Variants in CACNA2D2 observed in about 807,000 individuals in gnomAD.
CACNA2D2 encodes voltage-dependent calcium channel subunit alpha-2/delta-2.
A neutral mutation model predicts 166.4 loss-of-function variants in CACNA2D2; 48 were observed. That is an observed-to-expected ratio of 0.29 (90% CI 0.23 to 0.37). The LOEUF is 0.37. CACNA2D2 is among the 10% of genes least tolerant of loss of function. The pLI is 1.00. For missense variants in CACNA2D2, 1,122 were observed against 1,433.0 expected (o/e 0.78, Z 3.50); for synonymous variants, 561 against 573.7 (o/e 0.98, Z 0.32).
At position 50,379,466 on chromosome 3, in the gene CACNA2D2, G is replaced by C; in HGVS notation, c.1118C>G (p.Ala373Gly). 3.1e-6 allele frequency: 5 copies of C among 1,613,936 alleles called. No individual in the cohort carries two copies. The highest frequency in any genetic ancestry group is 4.2e-6 in the Non-Finnish European group (5 of 1,180,022). Residue 373 changes from alanine (A) to glycine (G), a missense_variant, in exon 11 of 38, where the codon GCC becomes GGC. Ala to Gly is a moderately conservative substitution (Grantham distance 60). This residue lies in a region of CACNA2D2 where 840 missense variants were observed against 1,166.8 expected (regional missense o/e 0.72). Transcript: ENST00000424201. The surrounding 1 kb of genome is among the most constrained non-coding windows in gnomAD (Gnocchi z 6.5). ...MVAKGTTGYK[A>G]GFEYAFDQLQ... The stretch of plus-strand genomic sequence containing the variant: ...CTGGTCAAAGGCATACTCAAAGCCG[G>C]CCTTGTAGCCTGTGGTGCCCTTGGC...
At chr3:50,449,126 G>A (rs941165707) in intron 2 of CACNA2D2, among the ~76,000 whole-genome samples, 6 of 152,246 alleles carry the variant, frequency 3.9e-5, no homozygotes, top group Non-Finnish European at 7.3e-5. Flanking sequence ...CAGTGGCTTA[G>A]AGAGGCTTCA....
At chr3:50,424,252 T>C (rs1475703131) in intron 3 of CACNA2D2, among the ~76,000 whole-genome samples, 1 of 152,192 alleles carries the variant, frequency 6.6e-6, no homozygotes, top group Non-Finnish European at 1.5e-5. Context: ...AGAGGGACCC[T>C]TGGCCACAGG....
At position 50,380,154 on chromosome 3, in the gene CACNA2D2, T is replaced by C. The variant is rs1233028337; in HGVS notation, c.843-136A>G. On this transcript the variant is annotated intron_variant, in intron 8 of 37. Transcript: ENST00000424201. This position sits in a 1 kb window ranked among gnomAD's most constrained non-coding sequence, Gnocchi z 4.9. ...GGCCAGGCAGGGTTCTATGCACCGA[T>C]GATACCACATTTAACGAAACAGACA... The C allele has an allele frequency of 1.2e-6, 1 of 807,472 alleles. No homozygotes were observed. The highest frequency in any genetic ancestry group is 2.1e-6 in the Non-Finnish European group (1 of 482,398). The allele number at this position is 807,472 out of a possible 1,614,324, so 50.0% of individuals were successfully genotyped here.
chr3:50,397,008 G>A, intron 3 of CACNA2D2, among the ~76,000 whole-genome samples: 1 of 152,186 alleles, frequency 6.6e-6, no homozygotes, highest in East Asian at 1.9e-4. Context: ...CTCCTGGCTG[G>A]GGGGTTCCAG....
intron 1 of CACNA2D2, among the ~76,000 whole-genome samples, chr3:50,483,120 C>T (rs947681111): frequency 1.3e-5 from 2 of 152,226 alleles, no homozygotes; most frequent in African/African-American, 4.8e-5. Flanking sequence ...AGCTAGCCAC[C>T]TACCACTTCA....
chr3:50,366,025 G>T lies in CACNA2D2; in HGVS notation c.2848C>A (p.Arg950=), dbSNP rs1209696501. 1.9e-6 allele frequency: 3 copies of T among 1,612,868 alleles called. No individual in the cohort carries two copies. The highest frequency in any genetic ancestry group is 2.5e-6 in the Non-Finnish European group (3 of 1,179,680). ...QPPGNLGAAP[R]GVFVPTVADF... The stretch of plus-strand genomic sequence containing the variant: ...TGGGGACTCACCACAAAGACACCCC[G>T]GGGTGCAGCACCCAGGTTGCCAGGG... Residue 950 remains arginine, a synonymous_variant, in exon 32 of 38, where the codon CGG becomes AGG. Coordinates refer to ENST00000424201, the MANE Select transcript of CACNA2D2 (RefSeq NM_006030.4). The surrounding 1 kb of genome is among the most constrained non-coding windows in gnomAD (Gnocchi z 5.9).
intron 1 of CACNA2D2, among the ~76,000 whole-genome samples, chr3:50,488,873 T>C (rs1698405514): frequency 6.6e-6 from 1 of 151,994 alleles, no homozygotes; most frequent in African/African-American, 2.4e-5. Context: ...CTAATTTTTT[T>C]GTATTTTTAG....
chr3:50,428,843 C>A (rs766577140), intron 3 of CACNA2D2, among the ~76,000 whole-genome samples: 1 of 152,214 alleles, frequency 6.6e-6, no homozygotes, highest in African/African-American at 2.4e-5. Flanking sequence ...CCACTCTGGA[C>A]AGCAAACACC....
chr3:50,474,366 C>T (rs1710222075), intron 2 of CACNA2D2, among the ~76,000 whole-genome samples: 1 of 152,196 alleles, frequency 6.6e-6, no homozygotes, highest in Non-Finnish European at 1.5e-5. Flanking sequence ...CCACTTCATC[C>T]TCCGGTCAGA....
rs1704339211 is a variant in CACNA2D2 at position 50,366,990 on chromosome 3, A to G, written c.2500+21T>C. On this transcript the variant is annotated intron_variant, in intron 28 of 37. Transcript: ENST00000424201. This position sits in a 1 kb window ranked among gnomAD's most constrained non-coding sequence, Gnocchi z 5.9. Reference sequence around the variant, plus strand: ...TACCCTGTCCATTGCCTGTTTCCCCACCTCTGTCCCAAACATTCACCTGCT... The same window carrying G: ...TACCCTGTCCATTGCCTGTTTCCCCGCCTCTGTCCCAAACATTCACCTGCT... 1 of 1,613,094 alleles carries G rather than the reference A, an allele frequency of 6.2e-7. No individual in the cohort carries two copies. Among genetic ancestry groups the G allele is most frequent in the Non-Finnish European group, 8.5e-7 (1 of 1,179,612 alleles).
At chr3:50,457,555 C>T (rs550419662) in intron 2 of CACNA2D2, among the ~76,000 whole-genome samples, 40 of 152,278 alleles carry the variant, frequency 2.6e-4, no homozygotes, top group Admixed American at 2.0e-3. Context: ...CATCCCTGGC[C>T]CCAGGTGCTC....
chr3:50,394,174 G>T lies in CACNA2D2; in HGVS notation c.406-6C>A, dbSNP rs755255819. 1.2e-5 allele frequency: 19 copies of T among 1,613,750 alleles called. No individual in the cohort carries two copies. Among genetic ancestry groups the T allele is most frequent in the Non-Finnish European group, 1.4e-5 (17 of 1,179,710 alleles). Reference sequence around the variant, plus strand: ...TCTGCAGCATCAGCCAGTCTCTGAGGGACAGAGCACAGGGAGGTCAGAAGC... The same window carrying T: ...TCTGCAGCATCAGCCAGTCTCTGAGTGACAGAGCACAGGGAGGTCAGAAGC... On this transcript the variant is annotated splice_region_variant and splice_polypyrimidine_tract_variant and intron_variant, in intron 3 of 37. Transcript: ENST00000424201.
At chr3:50,416,054 G>C (rs1160687351) in intron 3 of CACNA2D2, 4 of 152,252 alleles carry the variant, frequency 2.6e-5, no homozygotes, top group African/African-American at 9.6e-5. Context: ...AGTGGTGCAG[G>C]CATCAGCTGA....
At chr3:50,493,788 G>A (rs185156143) in intron 1 of CACNA2D2, among the ~76,000 whole-genome samples, 6 of 152,354 alleles carry the variant, frequency 3.9e-5, no homozygotes, top group Non-Finnish European at 5.9e-5. Flanking sequence ...GGGTCTGGAG[G>A]AGGGACTCAC....
At chr3:50,374,655 G>A in intron 22 of CACNA2D2, 82 bp downstream of exon 22, 2 of 1,494,300 alleles carry the variant, frequency 1.3e-6, no homozygotes, top group Non-Finnish European at 1.8e-6. Flanking sequence ...CCGGCAAGCG[G>A]CGCTGGCTAT....
chr3:50,428,847 A>G (rs1206027478), intron 3 of CACNA2D2, among the ~76,000 whole-genome samples: 1 of 152,176 alleles, frequency 6.6e-6, no homozygotes, highest in African/African-American at 2.4e-5. Context: ...TCTGGACAGC[A>G]AACACCACAT....
rs1169374255 is a variant in CACNA2D2, at chr3:50,366,959, A to T, written c.2501-40T>A. 1 of 1,612,994 alleles carries T rather than the reference A, an allele frequency of 6.2e-7. No homozygotes were observed. The highest frequency in any genetic ancestry group is 8.5e-7 in the Non-Finnish European group (1 of 1,179,412). ...AAGGGACCATCAGTGCTACCTGCCCAGGCAGTACCCTGTCCATTGCCTGTT... is the reference window on the plus strand; with the variant it reads ...AAGGGACCATCAGTGCTACCTGCCCTGGCAGTACCCTGTCCATTGCCTGTT... On this transcript the variant is annotated intron_variant, in intron 28 of 37. Coordinates refer to ENST00000424201, the MANE Select transcript of CACNA2D2 (RefSeq NM_006030.4). The surrounding 1 kb of genome is among the most constrained non-coding windows in gnomAD (Gnocchi z 5.9).
At chr3:50,388,712 G>C (rs1332984823) in intron 4 of CACNA2D2, among the ~76,000 whole-genome samples, 1 of 152,204 alleles carries the variant, frequency 6.6e-6, no homozygotes, top group Non-Finnish European at 1.5e-5. Context: ...TGAGCCCCAG[G>C]CTCCCCCAGG....
intron 2 of CACNA2D2, among the ~76,000 whole-genome samples, chr3:50,438,970 A>G (rs1708470492): frequency 6.6e-6 from 1 of 152,096 alleles, no homozygotes; most frequent in South Asian, 2.1e-4. Flanking sequence ...ATCTCCTACA[A>G]CCCCTGAGGA....
Sources: gnomAD v4.1 joint callset for allele counts (sites outside exome capture counted in the v4.1 genomes callset) on GRCh38, gnomAD v4.1.1 for gene constraint, gnomAD v4.1.1 regional missense constraint, Gnocchi (gnomAD v3.1) non-coding constraint, MANE v1.5 for transcripts, NCBI Gene and HGNC (gene_info 2026-07-23, HGNC 2026-07-21) for gene names.